CEP112: variants seen among roughly 807,000 people sequenced by gnomAD.
CEP112 encodes the protein centrosomal protein of 112 kDa.
A neutral mutation model predicts 153.0 loss-of-function variants in CEP112; 127 were observed. The observed-to-expected ratio is 0.83, with a 90% CI of 0.72 to 0.96. The LOEUF is 0.96. CEP112 is among the 40% of genes least tolerant of loss of function. The probability of loss-of-function intolerance (pLI) is 0.00; values close to 1 mark genes in which losing one functional copy is unlikely to be tolerated. For synonymous variants in CEP112, 358 were observed against 374.4 expected (o/e 0.96, Z 0.51); for missense variants, 1,089 against 1,101.2 (o/e 0.99, Z 0.16).
chr17:65,824,468 T>C (rs889930705), intron 21 of CEP112, among the ~76,000 whole-genome samples: 7 of 152,208 alleles, frequency 4.6e-5, no homozygotes, highest in Non-Finnish European at 8.8e-5. Context: ...CTGTTCTTCA[T>C]CTTGATGTGG....
At chr17:66,096,410 A>C in intron 7 of CEP112, 82 bp from the exon 8 acceptor site, 1 of 1,342,972 alleles carries the variant, frequency 7.4e-7, no homozygotes, top group Non-Finnish European at 1.1e-6. Flanking sequence ...AAATTGCCTG[A>C]GGCCCGTACC....
chr17:65,949,314 C>T (rs913167621), intron 18 of CEP112, among the ~76,000 whole-genome samples: 4 of 152,346 alleles, frequency 2.6e-5, no homozygotes, highest in Admixed American at 1.3e-4. Flanking sequence ...AGAAACCCAA[C>T]TGCACTTGGC....
chr17:65,648,642 C>T (rs1174935601), intron 24 of CEP112, among the ~76,000 whole-genome samples: 1 of 152,032 alleles, frequency 6.6e-6, no homozygotes, highest in Non-Finnish European at 1.5e-5. Flanking sequence ...GCCAAAGGGT[C>T]CGTAGAGATA....
intron 22 of CEP112, among the ~76,000 whole-genome samples, chr17:65,747,518 T>G (rs1454691150): frequency 6.6e-6 from 1 of 152,214 alleles, no homozygotes; most frequent in East Asian, 1.9e-4. Flanking sequence ...GTGACTAGGC[T>G]GAGTGGGGAA....
chr17:65,873,044 A>T (rs2058714403), intron 20 of CEP112: 1 of 152,154 alleles, frequency 6.6e-6, no homozygotes, highest in Non-Finnish European at 1.5e-5. Flanking sequence ...AAAGGTCCAG[A>T]AACTCCTTTC....
At chr17:65,674,996 A>G (rs958605865) in intron 24 of CEP112, among the ~76,000 whole-genome samples, 1 of 152,238 alleles carries the variant, frequency 6.6e-6, no homozygotes, top group African/African-American at 2.4e-5. Flanking sequence ...AGTAATTTAA[A>G]AAGAACTAAG....
In CEP112 at chr17:66,129,820, C is replaced by A. The variant is rs750019119; in HGVS notation, c.568G>T (p.Val190Phe). The A allele has an allele frequency of 2.1e-5, 34 of 1,602,178 alleles. No individual in the cohort carries two copies. The highest frequency in any genetic ancestry group is 2.7e-5 in the Non-Finnish European group (32 of 1,171,458). The stretch of plus-strand genomic sequence containing the variant: ...GAAACAGGAGATTTTTTCGAATAAA[C>A]TTCCTGAAATACAAAAGGGAAAAAG... Reference protein sequence around the residue: ...GQNITPKICEVYSKKSPVSLD... With the variant: ...GQNITPKICEFYSKKSPVSLD... The change falls in exon 6 of 27, where the codon GTT becomes TTT. Residue 190 changes from valine (V) to phenylalanine (F), a missense_variant. Val to Phe is a conservative substitution (Grantham distance 50). Coordinates refer to ENST00000535342, the MANE Select transcript of CEP112 (RefSeq NM_001199165.4).
chr17:66,026,276 A>C (rs1325595514), intron 16 of CEP112, among the ~76,000 whole-genome samples: 4 of 152,162 alleles, frequency 2.6e-5, no homozygotes, highest in African/African-American at 9.7e-5. Context: ...TTACATTCAC[A>C]CAAAAATTTT....
At chr17:65,792,528 T>G (rs1429068009) in intron 21 of CEP112, among the ~76,000 whole-genome samples, 2 of 152,036 alleles carry the variant, frequency 1.3e-5, no homozygotes, top group Non-Finnish European at 2.9e-5. Context: ...AAGTACTAAA[T>G]TTCTCCATTT....
chr17:66,139,753 G>A (rs2070605276), intron 4 of CEP112, among the ~76,000 whole-genome samples: 1 of 152,098 alleles, frequency 6.6e-6, no homozygotes, highest in Non-Finnish European at 1.5e-5. Flanking sequence ...TAGAAAATAT[G>A]AACAGACCAA....
chr17:65,920,451 A>G (rs1353606059), intron 19 of CEP112, among the ~76,000 whole-genome samples: 1 of 138,164 alleles, frequency 7.2e-6, no homozygotes, highest in African/African-American at 2.7e-5. Flanking sequence ...ATATATATAT[A>G]TTACTGTGAA....
At chr17:65,647,746 G>A (rs543022030) in intron 24 of CEP112, among the ~76,000 whole-genome samples, 2 of 151,778 alleles carry the variant, frequency 1.3e-5, no homozygotes, top group South Asian at 4.2e-4. Context: ...GCCTCCCAAA[G>A]TGCTAAGATG....
intron 6 of CEP112, among the ~76,000 whole-genome samples, chr17:66,102,691 G>A (rs1211905010): frequency 1.3e-5 from 2 of 151,254 alleles, no homozygotes; most frequent in Non-Finnish European, 2.9e-5. Flanking sequence ...CTAGCTACTC[G>A]GGAGGCTGAG....
chr17:66,146,878 A>G (rs2070941658), intron 4 of CEP112, among the ~76,000 whole-genome samples: 1 of 152,140 alleles, frequency 6.6e-6, no homozygotes, highest in African/African-American at 2.4e-5. Context: ...TTCATTCTAA[A>G]TGTACCACAT....
At chr17:65,950,642 A>G (rs1026105793) in intron 18 of CEP112, among the ~76,000 whole-genome samples, 1 of 151,916 alleles carries the variant, frequency 6.6e-6, no homozygotes, top group South Asian at 2.1e-4. Context: ...TTTTCACTAT[A>G]CAGGATCATA....
At chr17:65,697,827 TAACA>T (rs1054008024) in intron 23 of CEP112, among the ~76,000 whole-genome samples, 3 of 152,166 alleles carry the variant, frequency 2.0e-5, no homozygotes, top group Admixed American at 6.5e-5. Context: ...CCAGGATGAA[TAACA>T]AACCATAAAA....
rs1438217639 is a variant in CEP112 at position 66,050,307 on chromosome 17, G to A, written c.1218+3429C>T. 3.9e-5 allele frequency among the ~76,000 whole-genome samples: 6 copies of A among 152,246 alleles called. No homozygotes were observed. In the East Asian group the frequency reaches 1.2e-3, roughly 29 times the overall value. On this transcript the variant is annotated intron_variant, in intron 12 of 26. Coordinates refer to ENST00000535342, the MANE Select transcript of CEP112 (RefSeq NM_001199165.4). ...TTGTTGTTTTTTCTTCAGGGTAGGG[G>A]AATGGGGAGAGGATGTCAGTGTTTT...
intron 6 of CEP112, among the ~76,000 whole-genome samples, chr17:66,121,641 A>G (rs1277868861): frequency 6.6e-6 from 1 of 150,470 alleles, no homozygotes; most frequent in Admixed American, 6.6e-5. Context: ...CTGAGCCCCT[A>G]TGGTGAATTT....
chr17:65,690,794 A>G (rs1468221500), intron 23 of CEP112, among the ~76,000 whole-genome samples: 1 of 152,166 alleles, frequency 6.6e-6, no homozygotes, highest in Non-Finnish European at 1.5e-5. Flanking sequence ...GAAGTCAAGG[A>G]CATAACAGGG....
Sources: gnomAD v4.1 joint callset for allele counts (sites outside exome capture counted in the v4.1 genomes callset) on GRCh38, gnomAD v4.1.1 for gene constraint, MANE v1.5 for transcripts, NCBI Gene and HGNC (gene_info 2026-07-23, HGNC 2026-07-21) for gene names.